NALF1: variants seen among roughly 807,000 people sequenced by gnomAD.
NALF1 encodes family with sequence similarity 155 member A.
A neutral mutation model predicts 48.4 loss-of-function variants in NALF1; 3 were observed. The ratio of observed to expected loss-of-function variants is 0.06; its 90% CI spans 0.03 to 0.16. The LOEUF (loss-of-function observed/expected upper bound fraction) is 0.16, where lower values mean the gene tolerates loss of function less well. Ranked by LOEUF, NALF1 falls within the 10% of genes least tolerant of loss-of-function variation. The pLI, the probability that NALF1 is intolerant of heterozygous loss-of-function variation, is 1.00. For synonymous variants in NALF1, 262 were observed against 245.7 expected, an observed-to-expected ratio of 1.07 and a Z score of -0.62; for missense variants, 526 against 571.5, an observed-to-expected ratio of 0.92 and a Z score of 0.81.
At chr13:107,694,099 G>A (rs1881640577) in intron 1 of NALF1, among the ~76,000 whole-genome samples, 1 of 152,164 alleles carries the variant, frequency 6.6e-6, no homozygotes, top group African/African-American at 2.4e-5. Flanking sequence ...ATTACTGTAT[G>A]TATCGACCTG....
chr13:107,742,505 C>A (rs1044143880), intron 1 of NALF1, among the ~76,000 whole-genome samples: 6 of 152,256 alleles, frequency 3.9e-5, no homozygotes, highest in Non-Finnish European at 8.8e-5. Flanking sequence ...GGCTTTCCCC[C>A]CTTTACTCAG....
chr13:107,397,036 C>T (rs1175185063), intron 1 of NALF1, among the ~76,000 whole-genome samples: 2 of 152,158 alleles, frequency 1.3e-5, no homozygotes, highest in African/African-American at 4.8e-5. Context: ...TAGAGCACTA[C>T]CCTTGGTGGA....
intron 1 of NALF1, among the ~76,000 whole-genome samples, chr13:107,321,639 A>C (rs893665217): frequency 6.6e-6 from 1 of 152,096 alleles, no homozygotes; most frequent in African/African-American, 2.4e-5. Flanking sequence ...GTTTCCACCA[A>C]CTTCCATGGG....
intron 1 of NALF1, among the ~76,000 whole-genome samples, chr13:107,552,162 G>A (rs1273794569): frequency 6.6e-6 from 1 of 152,138 alleles, no homozygotes; most frequent in African/African-American, 2.4e-5. Flanking sequence ...TTAATTCTGA[G>A]ATAGACATAT....
intron 1 of NALF1, among the ~76,000 whole-genome samples, chr13:107,589,029 G>C (rs1294330893): frequency 6.6e-6 from 1 of 152,048 alleles, no homozygotes; most frequent in Non-Finnish European, 1.5e-5. Flanking sequence ...GGACAGGGGA[G>C]AGCAAACACA....
chr13:107,534,663 G>A (rs1876748442), intron 1 of NALF1, among the ~76,000 whole-genome samples: 1 of 152,068 alleles, frequency 6.6e-6, no homozygotes, highest in Admixed American at 6.6e-5. Context: ...AAAACATGCA[G>A]ACCTCAGGCA....
rs115823629 is a variant in NALF1 at position 107,767,919 on chromosome 13, T to C, written c.915+97763A>G. Among the ~76,000 whole-genome samples the C allele has an allele frequency of 3.0e-3, 461 of 152,270 alleles. 2 individuals carry two copies. The highest frequency in any genetic ancestry group is 0.011 in the African/African-American group (445 of 41,548). The stretch of plus-strand genomic sequence containing the variant: ...CAATTAAAGAGTGGGGAGAGATGTA[T>C]GAAGTAGAGACACGTTGAGAAAGTA... On this transcript the variant is annotated intron_variant, in intron 1 of 2. Transcript: ENST00000375915.
intron 1 of NALF1, among the ~76,000 whole-genome samples, chr13:107,741,647 T>G: frequency 6.6e-6 from 1 of 152,212 alleles, no homozygotes; most frequent in East Asian, 1.9e-4. Context: ...GTATACTGTC[T>G]AGTTGGAATT....
intron 1 of NALF1, among the ~76,000 whole-genome samples, chr13:107,354,967 T>C (rs1594134254): frequency 2.0e-5 from 3 of 152,298 alleles, no homozygotes; most frequent in South Asian, 4.1e-4. Flanking sequence ...CCCTAGGACG[T>C]CACTCAAGGT....
chr13:107,190,259 GATCCATCAA>G (rs1173122203), intron 2 of NALF1, among the ~76,000 whole-genome samples: 1 of 152,100 alleles, frequency 6.6e-6, no homozygotes, highest in African/African-American at 2.4e-5. Flanking sequence ...CTAATGCTTT[GATCCATCAA>G]TGTATTTAGA....
intron 1 of NALF1, among the ~76,000 whole-genome samples, chr13:107,714,781 T>C (rs886174940): frequency 2.0e-5 from 3 of 152,166 alleles, no homozygotes; most frequent in Non-Finnish European, 4.4e-5. Flanking sequence ...ACAGAAATTC[T>C]AAAAAATTAG....
At position 107,430,019 on chromosome 13, in the gene NALF1, T is replaced by G. The variant is rs188257964; in HGVS notation, c.916-219264A>C. On this transcript the variant is annotated intron_variant, in intron 1 of 2. Transcript: ENST00000375915. ...TTCCTATACAAGAGCTGATAGATCATACTTGAATTTAGGTATTGAGTTCTG... is the reference window on the plus strand; with the variant it reads ...TTCCTATACAAGAGCTGATAGATCAGACTTGAATTTAGGTATTGAGTTCTG... 1.8e-3 allele frequency among the ~76,000 whole-genome samples: 267 copies of G among 152,310 alleles called. No homozygotes were observed. In the Middle Eastern group the frequency reaches 0.02, roughly 12 times the overall value.
At chr13:107,806,523 G>C (rs367573816) in intron 1 of NALF1, among the ~76,000 whole-genome samples, 1 of 152,040 alleles carries the variant, frequency 6.6e-6, no homozygotes. Flanking sequence ...AACAGCAAGG[G>C]ACTGTTAATT....
intron 1 of NALF1, among the ~76,000 whole-genome samples, chr13:107,369,481 A>G (rs1883211223): frequency 6.6e-6 from 1 of 152,170 alleles, no homozygotes; most frequent in Non-Finnish European, 1.5e-5. Flanking sequence ...TAAAATCAAA[A>G]TAATCTGTAC....
chr13:107,543,685 G>A (rs190570264), intron 1 of NALF1, among the ~76,000 whole-genome samples: 18 of 151,556 alleles, frequency 1.2e-4, no homozygotes, highest in East Asian at 1.2e-3. Context: ...ATATATATAC[G>A]CGTATATACA....
At chr13:107,802,217 T>C (rs1025292015) in intron 1 of NALF1, among the ~76,000 whole-genome samples, 1 of 152,204 alleles carries the variant, frequency 6.6e-6, no homozygotes, top group African/African-American at 2.4e-5. Context: ...ACTCTCCCTA[T>C]ATTTTTCACC....
Position 107,182,823 on chromosome 13 carries a change from C to T in NALF1, c.1088-12037G>A, listed in dbSNP as rs116228914. On this transcript the variant is annotated intron_variant, in intron 2 of 2. Transcript: ENST00000375915. ...TTAACATTTCATATATTCCCTCCAT[C>T]CCATTTTGTTTTATTTCTGTCTTAT... Among the ~76,000 whole-genome samples, 653 of 152,264 alleles carry T rather than the reference C, an allele frequency of 4.3e-3. 7 individuals carry two copies. The highest frequency in any genetic ancestry group is 0.015 in the African/African-American group (610 of 41,534).
chr13:107,642,965 G>C (rs956586410), intron 1 of NALF1, among the ~76,000 whole-genome samples: 1 of 152,144 alleles, frequency 6.6e-6, no homozygotes, highest in Admixed American at 6.6e-5. Flanking sequence ...TTTCCACATG[G>C]ATGAGGGTCA....
Position 107,170,640 on chromosome 13 carries a change from G to T in NALF1, c.1234C>A (p.Leu412Met), listed in dbSNP as rs1566440013. The T allele has an allele frequency of 1.2e-6, 2 of 1,614,208 alleles. No individual in the cohort carries two copies. Among genetic ancestry groups the T allele is most frequent in the Non-Finnish European group, 8.5e-7 (1 of 1,180,040 alleles). The change falls in exon 3 of 3, where the codon CTG (leucine) becomes ATG (methionine). Residue 412 changes from leucine to methionine, a missense_variant. This residue lies in a region of NALF1 where 153 missense variants were observed against 215.9 expected (regional missense o/e 0.71). Transcript: ENST00000375915. The part of the protein sequence containing the change: ...TSLTVSSATR[L>M]CNSRLKLCVL... ...CACAGCTTGAGTCTGCTGTTGCACA[G>T]TCTTGTTGCTGATGACACTGTGAGC...
Sources: allele counts gnomAD v4.1 joint callset (sites outside exome capture counted in the v4.1 genomes callset), GRCh38; gene constraint gnomAD v4.1.1; regional missense constraint gnomAD v4.1.1; transcripts MANE v1.5; gene names NCBI Gene and HGNC (gene_info 2026-07-23, HGNC 2026-07-21).